Variants in RAB11FIP3 observed in about 807,000 individuals in gnomAD.
The protein encoded by RAB11FIP3 is RAB11 family interacting protein 3.
In RAB11FIP3, 17 loss-of-function variants were observed where a neutral mutation model predicts 77.8. The ratio of observed to expected loss-of-function variants is 0.22; its 90% CI spans 0.15 to 0.33. The LOEUF (loss-of-function observed/expected upper bound fraction) is 0.33. Ranked by LOEUF, RAB11FIP3 falls within the 10% of genes least tolerant of loss-of-function variation. RAB11FIP3 has a pLI of 1.00. For synonymous variants in RAB11FIP3, 437 were observed against 448.2 expected (o/e 0.98, Z 0.31); for missense variants, 1,005 against 1,011.2 (o/e 0.99, Z 0.08).
chr16:505,451 A>C lies in RAB11FIP3; in HGVS notation c.1396-73A>C, dbSNP rs2031821096. 8.1e-7 allele frequency: 1 copy of C among 1,233,518 alleles called. No individual in the cohort carries two copies. Among genetic ancestry groups the C allele is most frequent in the African/African-American group, 1.5e-5 (1 of 66,576 alleles). The allele number at this position is 1,233,518 out of a possible 1,614,324, so 76.4% of individuals were successfully genotyped here. ...TGAGAAAATCCCCAGGCGGCCTCCC[A>C]GGTTGTTCCCTTGGGGGTGCAGGCC... On this transcript the variant is annotated intron_variant, in intron 7 of 13. Transcript: ENST00000262305. This position sits in a 1 kb window ranked among gnomAD's most constrained non-coding sequence, Gnocchi z 4.0.
intron 10 of RAB11FIP3, among the ~76,000 whole-genome samples, chr16:519,309 C>T (rs1429055642): frequency 1.3e-5 from 2 of 152,248 alleles, no homozygotes; most frequent in Non-Finnish European, 2.9e-5. Context: ...CCACTGCCGA[C>T]GTGGAGGCAG....
chr16:509,918 C>T (rs1455892528), intron 8 of RAB11FIP3, among the ~76,000 whole-genome samples: 3 of 152,234 alleles, frequency 2.0e-5, no homozygotes, highest in East Asian at 3.9e-4. Flanking sequence ...AGGCAGACTC[C>T]GCCAGCACAC....
At chr16:483,109 C>T (rs928770745) in intron 4 of RAB11FIP3, among the ~76,000 whole-genome samples, 2 of 152,178 alleles carry the variant, frequency 1.3e-5, no homozygotes, top group African/African-American at 2.4e-5. Flanking sequence ...GTCCCCCACC[C>T]TCAGGATTTC....
rs1386386177 is a variant in RAB11FIP3 at position 472,456 on chromosome 16, G to A, written c.903+1067G>A. 6.6e-6 allele frequency among the ~76,000 whole-genome samples: 1 copy of A among 152,168 alleles called. No individual in the cohort carries two copies. Among genetic ancestry groups the A allele is most frequent in the Admixed American group, 6.5e-5 (1 of 15,288 alleles). On this transcript the variant is annotated intron_variant, in intron 3 of 13. Transcript: ENST00000262305. The surrounding 1 kb of genome is among the most constrained non-coding windows in gnomAD (Gnocchi z 4.1). ...GTGCTGGCTAAGAGGGCGTGTGGTGGGAGTTGGACCCTCTCGCATGGCTGC... is the reference window on the plus strand; with the variant it reads ...GTGCTGGCTAAGAGGGCGTGTGGTGAGAGTTGGACCCTCTCGCATGGCTGC...
intron 1 of RAB11FIP3, among the ~76,000 whole-genome samples, chr16:454,450 A>G (rs896921413): frequency 6.6e-6 from 1 of 152,042 alleles, no homozygotes; most frequent in African/African-American, 2.4e-5. Context: ...GGTGACACTC[A>G]CCTCTAGTCC....
chr16:509,191 C>T (rs989769039), intron 8 of RAB11FIP3, among the ~76,000 whole-genome samples: 5 of 152,216 alleles, frequency 3.3e-5, no homozygotes, highest in Admixed American at 6.5e-5. Context: ...GGCGTGAGCC[C>T]GGCATCTCAA....
intron 1 of RAB11FIP3, among the ~76,000 whole-genome samples, chr16:431,831 G>A (rs896448847): frequency 2.0e-5 from 3 of 150,616 alleles, no homozygotes; most frequent in South Asian, 4.2e-4. Flanking sequence ...ATCTTGGCTC[G>A]CTGCAAGCTC....
chr16:492,923 C>T (rs937434893), intron 5 of RAB11FIP3, among the ~76,000 whole-genome samples: 3 of 152,088 alleles, frequency 2.0e-5, no homozygotes, highest in South Asian at 2.1e-4. Flanking sequence ...TGGAGCCTCA[C>T]GTCCAGGTTC....
At chr16:467,134 G>T (rs539259226) in intron 2 of RAB11FIP3, among the ~76,000 whole-genome samples, 1 of 152,356 alleles carries the variant, frequency 6.6e-6, no homozygotes, top group South Asian at 2.1e-4. Context: ...CACAAAGTAA[G>T]GCAGGAGCTA....
chr16:509,466 G>A (rs1348808610), intron 8 of RAB11FIP3, among the ~76,000 whole-genome samples: 1 of 152,264 alleles, frequency 6.6e-6, no homozygotes, highest in Non-Finnish European at 1.5e-5. Context: ...TGCGTGTGAG[G>A]CACCACAAGG....
intron 6 of RAB11FIP3, 104 bp from the exon 7 acceptor site, chr16:502,900 A>G (rs370890520): frequency 8.6e-6 from 8 of 933,680 alleles, no homozygotes; most frequent in African/African-American, 6.5e-5. Flanking sequence ...GTCCCCTGCA[A>G]TGCTGCTGCC....
Position 491,334 on chromosome 16 carries a change from C to T in RAB11FIP3, c.1265+2334C>T, listed in dbSNP as rs529015374. 15 of 1,272,164 alleles carry T rather than the reference C, an allele frequency of 1.2e-5. No homozygotes were observed. The South Asian group carries it at 1.6e-4, about 14-fold the overall frequency. 78.8% of individuals were successfully genotyped at this position (1,272,164 alleles called of 1,614,324 possible). The stretch of plus-strand genomic sequence containing the variant: ...TGTGGGGGACTCCGGATACCCACAG[C>T]CCCCTTGAGGGCCTGCCCCGAGGCG... On this transcript the variant is annotated intron_variant, in intron 5 of 13. Transcript: ENST00000262305.
Position 521,313 on chromosome 16 carries a change from C to T in RAB11FIP3, c.*474C>T, listed in dbSNP as rs74003955. On this transcript the variant is annotated 3_prime_UTR_variant, in exon 14 of 14. Transcript: ENST00000262305. ...CAGGTCCCTCCAGGGGTGCTGCTGC[C>T]TAAGCCACCCACATAAGTACGCTGG... The T allele has an allele frequency of 0.016, 2,667 of 164,640 alleles. 70 individuals are homozygous for T. Among genetic ancestry groups the T allele is most frequent in the African/African-American group, 0.06 (2,505 of 41,950 alleles). The allele number at this position is 164,640 out of a possible 1,614,324, so 10.2% of individuals were successfully genotyped here.
At chr16:449,778 C>G (rs2055377270) in intron 1 of RAB11FIP3, among the ~76,000 whole-genome samples, 1 of 151,964 alleles carries the variant, frequency 6.6e-6, no homozygotes, top group Admixed American at 6.6e-5. Context: ...ATCGTGAAAC[C>G]CTGTCTCTAC....
chr16:449,238 G>A (rs907053174), intron 1 of RAB11FIP3, among the ~76,000 whole-genome samples: 35 of 152,180 alleles, frequency 2.3e-4, no homozygotes, highest in African/African-American at 8.2e-4. Context: ...ATGCAGTCCT[G>A]TATATCTCCA....
At chr16:429,739 C>T (rs1320276647) in intron 1 of RAB11FIP3, among the ~76,000 whole-genome samples, 1 of 152,108 alleles carries the variant, frequency 6.6e-6, no homozygotes. Flanking sequence ...CTCAGGTGAT[C>T]CACCCGCCTC....
intron 1 of RAB11FIP3, among the ~76,000 whole-genome samples, chr16:427,136 G>A (rs1007771153): frequency 5.3e-5 from 8 of 152,204 alleles, no homozygotes; most frequent in African/African-American, 1.9e-4. Flanking sequence ...ATTCACCCAA[G>A]TTCTAGCCGC....
intron 6 of RAB11FIP3, chr16:497,503 G>T: frequency 8.4e-7 from 1 of 1,183,528 alleles, no homozygotes; most frequent in Non-Finnish European, 1.1e-6. Context: ...CCTGCTTCGT[G>T]GCCCGGCATC....
At chr16:494,773 G>A (rs1287161277) in intron 5 of RAB11FIP3, among the ~76,000 whole-genome samples, 1 of 152,226 alleles carries the variant, frequency 6.6e-6, no homozygotes, top group Admixed American at 6.5e-5. Context: ...GAGGTGGGAG[G>A]ATCACATGAG....
Sources: gnomAD v4.1 joint callset for allele counts (sites outside exome capture counted in the v4.1 genomes callset) on GRCh38, gnomAD v4.1.1 for gene constraint, Gnocchi (gnomAD v3.1) non-coding constraint, MANE v1.5 for transcripts, NCBI Gene and HGNC (gene_info 2026-07-23, HGNC 2026-07-21) for gene names.